Variants in MALRD1 observed in about 807,000 individuals in gnomAD.
MALRD1 encodes the protein MAM and LDL receptor class A domain containing 1.
A neutral mutation model predicts 242.1 loss-of-function variants in MALRD1; 247 were observed. The ratio of observed to expected loss-of-function variants is 1.02; its 90% CI spans 0.92 to 1.13. The LOEUF (loss-of-function observed/expected upper bound fraction) is 1.13. MALRD1 is among the 50% of genes most tolerant of loss of function. The probability of loss-of-function intolerance (pLI) is 0.00; values close to 1 mark genes in which losing one functional copy is unlikely to be tolerated. For synonymous variants in MALRD1, 995 were observed against 866.6 expected (o/e 1.15, Z -2.60); for missense variants, 2,989 against 2,533.1 (o/e 1.18, Z -3.86).
Position 19,530,375 on chromosome 10 carries a change from ATAAAT to A in MALRD1, c.5321-818_5321-814del, listed in dbSNP as rs1564417084. ...ATATAATATTTATATAAATATTTAT[ATAAAT>A]ATTATATATTTATATAAATATTATA... On this transcript the variant is annotated intron_variant, in intron 31 of 39. Transcript: ENST00000454679. Among the ~76,000 whole-genome samples, 464 of 99,176 alleles carry A rather than the reference ATAAAT, an allele frequency of 4.7e-3. 16 individuals are homozygous for A. In the East Asian group the frequency reaches 0.059, roughly 13 times the overall value. The allele number at this position is 99,176 out of a possible 152,430, so 65.1% of individuals were successfully genotyped here.
chr10:19,324,612 A>G (rs1397911384), intron 22 of MALRD1, among the ~76,000 whole-genome samples: 1 of 151,424 alleles, frequency 6.6e-6, no homozygotes, highest in Non-Finnish European at 1.5e-5. Context: ...TTTTTTTTAA[A>G]AAAAAACGAG....
In MALRD1 at chr10:19,483,471, A is replaced by G. The variant is rs145191747; in HGVS notation, c.5030-8046A>G. 5.3e-4 allele frequency among the ~76,000 whole-genome samples: 81 copies of G among 152,264 alleles called. No individual in the cohort carries two copies. In the East Asian group the frequency reaches 0.014, roughly 25 times the overall value. ...GTTGATAAGCAAAAAAACCCATTAA[A>G]AAGTGGGCAAAGGACGTGAACAGAC... On this transcript the variant is annotated intron_variant, in intron 29 of 39. Coordinates refer to ENST00000454679, the MANE Select transcript of MALRD1 (RefSeq NM_001142308.3).
At chr10:19,675,220 G>T (rs1315588097) in intron 36 of MALRD1, among the ~76,000 whole-genome samples, 1 of 151,998 alleles carries the variant, frequency 6.6e-6, no homozygotes, top group Non-Finnish European at 1.5e-5. Flanking sequence ...CATGATTTGT[G>T]TTTTCATATT....
At chr10:19,237,707 T>C (rs1838416952) in intron 18 of MALRD1, among the ~76,000 whole-genome samples, 1 of 115,026 alleles carries the variant, frequency 8.7e-6, no homozygotes, top group Admixed American at 1.2e-4. Flanking sequence ...CATAATTATA[T>C]ATATATTTAT....
intron 36 of MALRD1, among the ~76,000 whole-genome samples, chr10:19,691,679 G>A (rs563938672): frequency 6.6e-5 from 10 of 152,194 alleles, no homozygotes; most frequent in African/African-American, 1.9e-4. Flanking sequence ...AAGACCATCC[G>A]TACCAGTGTT....
intron 21 of MALRD1, among the ~76,000 whole-genome samples, chr10:19,311,759 C>T (rs977031221): frequency 6.6e-6 from 1 of 151,250 alleles, no homozygotes; most frequent in East Asian, 2.0e-4. Flanking sequence ...GGATTAGACC[C>T]TTTCACTATT....
At chr10:19,099,915 C>T (rs1218858088) in intron 4 of MALRD1, among the ~76,000 whole-genome samples, 1 of 151,874 alleles carries the variant, frequency 6.6e-6, no homozygotes, top group Non-Finnish European at 1.5e-5. Context: ...TGTGTACCAC[C>T]ACACCTGGCT....
chr10:19,702,542 G>A (rs982167062), intron 38 of MALRD1, among the ~76,000 whole-genome samples: 2 of 152,040 alleles, frequency 1.3e-5, no homozygotes, highest in Non-Finnish European at 2.9e-5. Flanking sequence ...TGCATAATTT[G>A]TATCCAATAT....
chr10:19,354,214 T>C (rs1397262361), intron 26 of MALRD1, among the ~76,000 whole-genome samples: 3 of 152,126 alleles, frequency 2.0e-5, no homozygotes. Flanking sequence ...CAAAATAGTA[T>C]TGATTATACA....
chr10:19,178,787 G>A (rs1020676935), intron 14 of MALRD1, among the ~76,000 whole-genome samples: 2 of 152,146 alleles, frequency 1.3e-5, no homozygotes, highest in African/African-American at 4.8e-5. Context: ...GAAGATACGC[G>A]ATTTTCCAAC....
chr10:19,067,849 T>C (rs948086634), intron 2 of MALRD1, among the ~76,000 whole-genome samples: 35 of 151,786 alleles, frequency 2.3e-4, no homozygotes, highest in Admixed American at 2.3e-3. Flanking sequence ...ATAATTTTGG[T>C]GTTGCTAATG....
chr10:19,342,672 A>G (rs1480222452), intron 24 of MALRD1, among the ~76,000 whole-genome samples: 4 of 152,258 alleles, frequency 2.6e-5, no homozygotes, highest in African/African-American at 9.6e-5. Context: ...GACTGAGAAT[A>G]GCTTTTGTTT....
chr10:19,064,936 A>G (rs1369535569), intron 1 of MALRD1, among the ~76,000 whole-genome samples: 2 of 151,450 alleles, frequency 1.3e-5, no homozygotes, highest in African/African-American at 4.9e-5. Flanking sequence ...ACCCATTGTT[A>G]TTTACGTGCA....
At chr10:19,479,764 G>A (rs1167928203) in intron 29 of MALRD1, among the ~76,000 whole-genome samples, 2 of 152,046 alleles carry the variant, frequency 1.3e-5, no homozygotes, top group African/African-American at 4.8e-5. Flanking sequence ...TTGGTGGGGC[G>A]GCTTTTCTAT....
intron 18 of MALRD1, among the ~76,000 whole-genome samples, chr10:19,214,471 A>G (rs1837215730): frequency 6.6e-6 from 1 of 152,218 alleles, no homozygotes; most frequent in Admixed American, 6.5e-5. Flanking sequence ...ATTTATCAAT[A>G]CAGTCTGTTG....
At chr10:19,280,280 T>A in intron 20 of MALRD1, 57 bp downstream of exon 20, 1 of 1,338,154 alleles carries the variant, frequency 7.5e-7, no homozygotes, top group African/African-American at 1.5e-5. Flanking sequence ...AATGCAAGTG[T>A]AATCTCTAAG....
chr10:19,455,496 A>G (rs1286622933), intron 29 of MALRD1, among the ~76,000 whole-genome samples: 1 of 152,202 alleles, frequency 6.6e-6, no homozygotes, highest in African/African-American at 2.4e-5. Flanking sequence ...GGCAAATGAC[A>G]TGATCTTCTT....
Position 19,581,871 on chromosome 10 carries a change from T to G in MALRD1, c.5681-13323T>G, listed in dbSNP as rs537014004. 5.9e-5 allele frequency among the ~76,000 whole-genome samples: 9 copies of G among 152,210 alleles called. 1 individual carries two copies. The South Asian group carries it at 1.7e-3, about 28-fold the overall frequency. On this transcript the variant is annotated intron_variant, in intron 33 of 39. Transcript: ENST00000454679. ...AGTGTTCCTATTTCTCCACATCCTC[T>G]CCAGCACCTGTTGTTTCCTGACTTT...
chr10:19,136,009 T>A lies in MALRD1; in HGVS notation c.1204-565T>A, dbSNP rs553432822. On this transcript the variant is annotated intron_variant, in intron 9 of 39. Coordinates refer to ENST00000454679, the MANE Select transcript of MALRD1 (RefSeq NM_001142308.3). ...TCTCATTAAAGAAATTACTCTTTTA[T>A]GTAAGTTGAATAGAGTTTTATGTTT... Among the ~76,000 whole-genome samples, 8 of 152,374 alleles carry A rather than the reference T, an allele frequency of 5.3e-5. No homozygotes were observed. The East Asian group carries it at 1.3e-3, about 26-fold the overall frequency.
Sources: allele counts gnomAD v4.1 joint callset (sites outside exome capture counted in the v4.1 genomes callset), GRCh38; gene constraint gnomAD v4.1.1; transcripts MANE v1.5; gene names NCBI Gene and HGNC (gene_info 2026-07-23, HGNC 2026-07-21).